Variants in KLF12 observed in about 807,000 individuals in gnomAD.
KLF12 encodes the protein KLF transcription factor 12, also known as Krueppel-like factor 12.
A neutral mutation model predicts 37.8 loss-of-function variants in KLF12; 9 were observed. The observed-to-expected ratio is 0.24, with a 90% CI of 0.14 to 0.42. The LOEUF is 0.42. KLF12 is among the 10% of genes least tolerant of loss of function. KLF12 has a pLI of 1.00. For synonymous variants in KLF12, 208 were observed against 202.1 expected (o/e 1.03, Z -0.25); for missense variants, 411 against 516.0 (o/e 0.80, Z 1.97).
chr13:74,181,945 CAT>C, the KLF12 span, among the ~76,000 whole-genome samples: 1 of 151,980 alleles, frequency 6.6e-6, no homozygotes, highest in African/African-American at 2.4e-5. Context: ...TGTATGTGCA[CAT>C]ATATATATGC....
chr13:74,134,189 G>A (rs995844905), upstream of KLF12, among the ~76,000 whole-genome samples: 5 of 151,812 alleles, frequency 3.3e-5, no homozygotes, highest in African/African-American at 1.2e-4. Flanking sequence ...TGCTGTGAGG[G>A]GGGGGGCCGA....
At chr13:74,224,362 C>A in the KLF12 span, among the ~76,000 whole-genome samples, 1 of 152,124 alleles carries the variant, frequency 6.6e-6, no homozygotes, top group African/African-American at 2.4e-5. Flanking sequence ...ATTTCTTACA[C>A]CCAGGCTGGT....
intron 3 of KLF12, among the ~76,000 whole-genome samples, chr13:73,858,679 C>A (rs538684687): frequency 6.6e-6 from 1 of 152,284 alleles, no homozygotes; most frequent in South Asian, 2.1e-4. Context: ...ATTTTTAACC[C>A]TTGCTCTGGT....
At chr13:74,141,922 T>G in the KLF12 span, among the ~76,000 whole-genome samples, 1 of 152,150 alleles carries the variant, frequency 6.6e-6, no homozygotes, top group Non-Finnish European at 1.5e-5. Flanking sequence ...AGTCCTAAAT[T>G]GCAAACCACT....
chr13:73,822,009 C>T (rs1883553438), intron 4 of KLF12, among the ~76,000 whole-genome samples: 1 of 152,132 alleles, frequency 6.6e-6, no homozygotes, highest in Admixed American at 6.5e-5. Context: ...ATGCTGTTTA[C>T]TCCTTGAGAG....
rs139188605 is a variant in KLF12, at chr13:74,121,648, T to G, written c.-32+12091A>C. On this transcript the variant is annotated intron_variant, in intron 1 of 7. Coordinates refer to ENST00000377669, the MANE Select transcript of KLF12 (RefSeq NM_007249.5). ...TTGCAAATAACATTAAAATGTTAAT[T>G]ATCCCAAGAATATATATAATTTAAT... Among the ~76,000 whole-genome samples, 517 of 152,172 alleles carry G rather than the reference T, an allele frequency of 3.4e-3. 2 individuals carry two copies. Among genetic ancestry groups the G allele is most frequent in the Middle Eastern group, 6.8e-3 (2 of 294 alleles).
chr13:73,895,219 T>C (rs1887705139), intron 3 of KLF12, among the ~76,000 whole-genome samples: 3 of 152,242 alleles, frequency 2.0e-5, no homozygotes, highest in Non-Finnish European at 4.4e-5. Context: ...AGAGCTGTTC[T>C]AGGTGGCTGA....
intron 1 of KLF12, among the ~76,000 whole-genome samples, chr13:74,124,257 A>G (rs1013091913): frequency 2.6e-5 from 4 of 152,232 alleles, no homozygotes; most frequent in East Asian, 3.8e-4. Context: ...GAGCTAATGC[A>G]TATTCCAAAG....
chr13:73,871,722 G>C (rs1886475503), intron 3 of KLF12, among the ~76,000 whole-genome samples: 1 of 152,120 alleles, frequency 6.6e-6, no homozygotes, highest in African/African-American at 2.4e-5. Flanking sequence ...ACACAGTTCA[G>C]ACATTCCCTG....
chr13:74,181,054 A>G, the KLF12 span, among the ~76,000 whole-genome samples: 2 of 152,048 alleles, frequency 1.3e-5, no homozygotes, highest in African/African-American at 4.8e-5. Context: ...GCTGGAGTGC[A>G]ATGGCACAAT....
chr13:74,126,452 CATTTTTTTCACA>C lies in KLF12; in HGVS notation c.-32+7275_-32+7286del, dbSNP rs1006904974. ...TATTTGTATTTTTTGTGTTCTATTT[CATTTTTTTCACA>C]ATTTTTTTCACAATTCATCAGCTTA... On this transcript the variant is annotated intron_variant, in intron 1 of 7. Coordinates refer to ENST00000377669, the MANE Select transcript of KLF12 (RefSeq NM_007249.5). Among the ~76,000 whole-genome samples the C allele has an allele frequency of 4.1e-4, 63 of 152,110 alleles. 1 individual carries two copies. The highest frequency in any genetic ancestry group is 8.3e-4 in the South Asian group (4 of 4,818).
At chr13:73,903,795 C>T (rs538226118) in intron 3 of KLF12, among the ~76,000 whole-genome samples, 50 of 152,336 alleles carry the variant, frequency 3.3e-4, no homozygotes, top group African/African-American at 1.1e-3. Flanking sequence ...AGCTCCACCA[C>T]CTGCCAGCTC....
chr13:73,883,987 TA>T (rs937379122), intron 3 of KLF12, among the ~76,000 whole-genome samples: 2 of 152,170 alleles, frequency 1.3e-5, no homozygotes, highest in East Asian at 1.9e-4. Flanking sequence ...CTTTCTGAGG[TA>T]CCTTCTCCGA....
chr13:74,100,057 C>T (rs541416449), intron 1 of KLF12, among the ~76,000 whole-genome samples: 8 of 151,954 alleles, frequency 5.3e-5, no homozygotes, highest in South Asian at 2.1e-4. Context: ...AGAGAGAGCA[C>T]GCAGCATGGA....
chr13:74,201,078 C>T, the KLF12 span, among the ~76,000 whole-genome samples: 11 of 152,164 alleles, frequency 7.2e-5, no homozygotes, highest in Admixed American at 2.6e-4. Flanking sequence ...ATGCAGTTTT[C>T]GTTCTCAAAA....
chr13:74,064,256 C>T (rs1017226926), intron 1 of KLF12, among the ~76,000 whole-genome samples: 7 of 152,118 alleles, frequency 4.6e-5, no homozygotes, highest in African/African-American at 1.7e-4. Flanking sequence ...CACATAGGCT[C>T]ATATATAACT....
intron 1 of KLF12, among the ~76,000 whole-genome samples, chr13:74,068,480 G>T (rs1874042137): frequency 6.6e-6 from 1 of 152,032 alleles, no homozygotes; most frequent in Admixed American, 6.5e-5. Flanking sequence ...ATTCATGCTG[G>T]AAGAAAGTGT....
At chr13:74,175,666 T>C in the KLF12 span, among the ~76,000 whole-genome samples, 1 of 152,202 alleles carries the variant, frequency 6.6e-6, no homozygotes, top group African/African-American at 2.4e-5. Flanking sequence ...GACTATGTAA[T>C]TGTAATTCCA....
In KLF12 at chr13:74,052,240, C is replaced by T. The variant is rs371469943; in HGVS notation, c.-31-57187G>A. On this transcript the variant is annotated intron_variant, in intron 1 of 7. Transcript: ENST00000377669. ...AAGCTCAGAAAACAGAAAACAGCTC[C>T]ATGTGCCCATCATTTGGCATCAGAA... is the stretch of plus-strand genomic sequence containing the variant. 5.9e-5 allele frequency among the ~76,000 whole-genome samples: 9 copies of T among 152,196 alleles called. No individual in the cohort carries two copies. The East Asian group carries it at 1.3e-3, about 23-fold the overall frequency.
Sources: gnomAD v4.1 joint callset for allele counts (sites outside exome capture counted in the v4.1 genomes callset) on GRCh38, gnomAD v4.1.1 for gene constraint, MANE v1.5 for transcripts, NCBI Gene and HGNC (gene_info 2026-07-23, HGNC 2026-07-21) for gene names.